The following SVOP variants were observed in gnomAD, a reference collection of about 807,000 sequenced individuals.
The protein encoded by SVOP is SV2 related protein, also known as synaptic vesicle 2-related protein.
Under a neutral mutation model 69.1 loss-of-function variants are expected in SVOP, and 17 were observed. The observed-to-expected ratio is 0.25, with a 90% CI of 0.17 to 0.37. The LOEUF (loss-of-function observed/expected upper bound fraction) is 0.37, where lower values mean the gene tolerates loss of function less well. Ranked by LOEUF, SVOP falls within the 10% of genes least tolerant of loss-of-function variation. The pLI is 1.00. For missense variants in SVOP, 435 were observed against 597.5 expected, an observed-to-expected ratio of 0.73 and a Z score of 2.84; for synonymous variants, 238 against 238.6, an observed-to-expected ratio of 1.00 and a Z score of 0.02.
chr12:108,993,275 A>G (rs1006874269), intron 1 of SVOP, among the ~76,000 whole-genome samples: 2 of 151,876 alleles, frequency 1.3e-5, no homozygotes, highest in African/African-American at 4.8e-5. Context: ...CCCAAAGTGC[A>G]GGTATTACAG....
chr12:108,978,388 C>A, intron 3 of SVOP, 190 bp downstream of exon 3: 1 of 528,686 alleles, frequency 1.9e-6, no homozygotes, highest in Non-Finnish European at 3.3e-6. Flanking sequence ...AACTGCCAAA[C>A]ACACCCAGCT....
chr12:108,990,714 TAAAC>T (rs2040195181), intron 1 of SVOP, among the ~76,000 whole-genome samples: 2 of 151,464 alleles, frequency 1.3e-5, no homozygotes, highest in African/African-American at 2.4e-5. Context: ...AATAAATAAA[TAAAC>T]AAACAAAAAC....
chr12:109,003,002 T>A (rs929658878), intron 1 of SVOP, among the ~76,000 whole-genome samples: 1 of 13,084 alleles, frequency 7.6e-5, no homozygotes. Context: ...AATAAATAAA[T>A]AAAAATAAAA....
intron 5 of SVOP, among the ~76,000 whole-genome samples, chr12:108,968,340 G>A (rs1309002443): frequency 6.6e-6 from 1 of 152,180 alleles, no homozygotes; most frequent in African/African-American, 2.4e-5. Flanking sequence ...TTGTGCCTGT[G>A]GCAGACAACA....
chr12:109,005,323 C>G (rs954602853), intron 1 of SVOP, among the ~76,000 whole-genome samples: 5 of 152,114 alleles, frequency 3.3e-5, no homozygotes, highest in Admixed American at 2.0e-4. Context: ...GTTTTCTCAC[C>G]TATAAAATGG....
chr12:109,005,123 C>A (rs1407431557), intron 1 of SVOP, among the ~76,000 whole-genome samples: 2 of 152,126 alleles, frequency 1.3e-5, no homozygotes, highest in East Asian at 3.9e-4. Context: ...AGAGTTCAAG[C>A]TATCAGACTG....
intron 1 of SVOP, among the ~76,000 whole-genome samples, chr12:108,986,780 G>T (rs1229565004): frequency 8.4e-5 from 7 of 83,028 alleles, no homozygotes; most frequent in South Asian, 7.4e-4. Flanking sequence ...GATCGGGGAG[G>T]GGGGGGTCTT....
Position 108,940,889 on chromosome 12 carries a change from T to C in SVOP, c.663A>G (p.Thr221=), listed in dbSNP as rs1203498086. The C allele has an allele frequency of 5.0e-5, 77 of 1,536,906 alleles. No individual in the cohort carries two copies. Among genetic ancestry groups the C allele is most frequent in the Non-Finnish European group, 6.6e-5 (76 of 1,146,722 alleles). ...LLIEVFWAIG[T]VFEVVLAVFV... ...ACACAGCCAGGACGACCTCGAACAC[T>C]GTCCCGATGGCCCAGAATACCTGGC... is the stretch of plus-strand genomic sequence containing the variant. The change falls in exon 8 of 16, where the codon ACA becomes ACG. Residue 221 remains threonine, a synonymous_variant. Coordinates refer to ENST00000610966, the MANE Select transcript of SVOP (RefSeq NM_018711.5).
chr12:109,009,663 C>T (rs1289321081), intron 1 of SVOP, among the ~76,000 whole-genome samples: 1 of 152,194 alleles, frequency 6.6e-6, no homozygotes, highest in Non-Finnish European at 1.5e-5. Flanking sequence ...GATCCACCTG[C>T]CTCAGCCTCC....
Position 109,020,832 on chromosome 12 carries a change from A to T in SVOP, c.35+2T>A. 1 of 652,534 alleles carries T rather than the reference A, an allele frequency of 1.5e-6. No homozygotes were observed. Among genetic ancestry groups the T allele is most frequent in the Non-Finnish European group, 2.8e-6 (1 of 352,760 alleles). 40.4% of individuals were successfully genotyped at this position (652,534 alleles called of 1,614,324 possible). ...CCTCTTGCTCGCCCCCATGATACTC[A>T]CGGCAGCTGCCTTAGCTGGAATAAG... On this transcript the variant is annotated splice_donor_variant, in intron 1 of 15. Transcript: ENST00000610966. LOFTEE classifies it high-confidence loss of function.
intron 11 of SVOP, among the ~76,000 whole-genome samples, chr12:108,927,843 GC>G (rs1566049149): frequency 6.6e-6 from 1 of 151,582 alleles, no homozygotes; most frequent in African/African-American, 2.4e-5. Flanking sequence ...TGATTCACCT[GC>G]CTCAGCCTCC....
chr12:108,920,137 T>C (rs1455101903), intron 12 of SVOP, among the ~76,000 whole-genome samples: 1 of 152,164 alleles, frequency 6.6e-6, no homozygotes, highest in African/African-American at 2.4e-5. Flanking sequence ...CCAGCAACCA[T>C]GTCAGTAAGC....
intron 15 of SVOP, among the ~76,000 whole-genome samples, chr12:108,913,187 A>G (rs1271700331): frequency 6.6e-6 from 1 of 151,740 alleles, no homozygotes; most frequent in Non-Finnish European, 1.5e-5. Flanking sequence ...TTCTCCTCCC[A>G]AGTAGCTGGG....
intron 11 of SVOP, among the ~76,000 whole-genome samples, chr12:108,924,697 A>T (rs117675168): frequency 6.6e-6 from 1 of 152,218 alleles, no homozygotes; most frequent in Non-Finnish European, 1.5e-5. Flanking sequence ...TGAAGAACTT[A>T]ATAAACAGGA....
rs201889778 is a variant in SVOP at position 108,938,914 on chromosome 12, G to T, written c.810C>A (p.Asn270Lys). 1.6e-4 allele frequency: 259 copies of T among 1,613,898 alleles called. No homozygotes were observed. Among genetic ancestry groups the T allele is most frequent in the Admixed American group, 2.5e-4 (15 of 60,000 alleles). ...ESARYDVLSG[N>K]QEKAIATLKR... is the part of the protein sequence containing the mutation. ...TTAAGGTGGCGATTGCCTTTTCCTG[G>T]TTCCCTGACAGCACATCATACCTTG... The change falls in exon 9 of 16, where the codon AAC (asparagine) becomes AAA (lysine). Residue 270 changes from asparagine to lysine, a missense_variant. Asn to Lys is a moderately conservative substitution (Grantham distance 94). Transcript: ENST00000610966.
intron 6 of SVOP, among the ~76,000 whole-genome samples, chr12:108,959,206 C>T (rs1266710652): frequency 1.3e-5 from 2 of 152,124 alleles, no homozygotes; most frequent in African/African-American, 4.8e-5. Flanking sequence ...GTTCTACCTG[C>T]CATAGCCAGA....
At position 108,915,852 on chromosome 12, in the gene SVOP, C is replaced by T. The variant is rs1333399159; in HGVS notation, c.1371G>A (p.Arg457=). 6.2e-7 allele frequency: 1 copy of T among 1,607,534 alleles called. No individual in the cohort carries two copies. The change falls in exon 15 of 16, where the codon CGG becomes CGA. Residue 457 remains arginine (R), a synonymous_variant. Transcript: ENST00000610966. The stretch of plus-strand genomic sequence containing the variant: ...CGCTGCAGGTGCCCAGGCCGAGGGC[C>T]CGCGTTGCCGTGGGGTAGACCTGAA... The part of the protein sequence containing the change: ...YTPEVYPTAT[R]ALGLGTCSGM...
In SVOP at chr12:108,918,462, G is replaced by C. The variant is rs535272779; in HGVS notation, c.1269-338C>G. Among the ~76,000 whole-genome samples the C allele has an allele frequency of 2.0e-5, 3 of 152,316 alleles. No homozygotes were observed. In the South Asian group the frequency reaches 6.2e-4, roughly 32 times the overall value. On this transcript the variant is annotated intron_variant, in intron 13 of 15. Coordinates refer to ENST00000610966, the MANE Select transcript of SVOP (RefSeq NM_018711.5). ...AGGAATTGAGCCAGGGGCCAGCTGA[G>C]CTGGGGAAAGTAAACCACTATTTAG...
chr12:108,981,261 T>A (rs1293975859), intron 2 of SVOP, among the ~76,000 whole-genome samples: 7 of 152,212 alleles, frequency 4.6e-5, no homozygotes, highest in Non-Finnish European at 1.0e-4. Flanking sequence ...GGCCTAGTAG[T>A]AGCCCCATTT....
Sources: allele counts gnomAD v4.1 joint callset (sites outside exome capture counted in the v4.1 genomes callset), GRCh38; gene constraint gnomAD v4.1.1; transcripts MANE v1.5; gene names NCBI Gene and HGNC (gene_info 2026-07-23, HGNC 2026-07-21).